Variants in KDM4B observed in about 807,000 individuals in gnomAD.
The protein encoded by KDM4B is lysine-specific demethylase 4B.
Under a neutral mutation model 125.2 loss-of-function variants are expected in KDM4B, and 32 were observed. That is an observed-to-expected ratio of 0.26 (90% CI 0.19 to 0.34). The LOEUF (loss-of-function observed/expected upper bound fraction) is 0.34. Among genes scored for constraint, KDM4B ranks in the 10% least tolerant of loss-of-function variants. The pLI is 1.00. For missense variants in KDM4B, 1,190 were observed against 1,577.7 expected, an observed-to-expected ratio of 0.75 and a Z score of 4.16; for synonymous variants, 721 against 677.9, an observed-to-expected ratio of 1.06 and a Z score of -0.99.
chr19:5,111,786 T>C (rs370749107), intron 10 of KDM4B: 50 of 765,202 alleles, frequency 6.5e-5, no homozygotes, highest in South Asian at 6.0e-4. Context: ...CCAGGCCTCC[T>C]GTGTCTCGAC....
chr19:5,119,260 C>A (rs563281464), intron 10 of KDM4B: 2 of 1,304,846 alleles, frequency 1.5e-6, no homozygotes, highest in South Asian at 1.3e-5. Flanking sequence ...TAGGCATTTT[C>A]CATGAGCTGC....
chr19:4,980,717 C>T (rs1017819770), intron 1 of KDM4B, among the ~76,000 whole-genome samples: 39 of 152,214 alleles, frequency 2.6e-4, no homozygotes, highest in Admixed American at 1.3e-3. Context: ...CGTGAGCCAC[C>T]GCGCCCGGCC....
chr19:5,144,012 T>C lies in KDM4B; in HGVS notation c.2596T>C (p.Cys866Arg). ...RKRMKKVSGA[C>R]IQCSYEHCST... ...GCGGATGAAGAAGGTGTCAGGTGCCTGTATCCAGTGCTCCTACGAGCACTG... is the reference window on the plus strand; with the variant it reads ...GCGGATGAAGAAGGTGTCAGGTGCCCGTATCCAGTGCTCCTACGAGCACTG... Residue 866 changes from cysteine (C) to arginine (R), a missense_variant, in exon 19 of 23, where the codon TGT becomes CGT. By Grantham distance (180) the Cys-to-Arg change is radical (BLOSUM62 -3). Coordinates refer to ENST00000159111, the MANE Select transcript of KDM4B (RefSeq NM_015015.3). 1 of 1,592,690 alleles carries C rather than the reference T, an allele frequency of 6.3e-7. No homozygotes were observed. Among genetic ancestry groups the C allele is most frequent in the Non-Finnish European group, 8.6e-7 (1 of 1,162,730 alleles).
At chr19:4,974,281 A>C (rs540117909) in intron 1 of KDM4B, among the ~76,000 whole-genome samples, 2 of 151,804 alleles carry the variant, frequency 1.3e-5, no homozygotes, top group Non-Finnish European at 2.9e-5. Flanking sequence ...CGGTGCCTGT[A>C]GTCCCAGCTA....
At chr19:5,068,698 G>A (rs1416667570) in intron 6 of KDM4B, among the ~76,000 whole-genome samples, 1 of 152,246 alleles carries the variant, frequency 6.6e-6, no homozygotes, top group African/African-American at 2.4e-5. Flanking sequence ...GGCGGTGGCG[G>A]AGCCCAGAAG....
chr19:5,091,287 G>A (rs2038697828), intron 9 of KDM4B, among the ~76,000 whole-genome samples: 1 of 152,232 alleles, frequency 6.6e-6, no homozygotes, highest in South Asian at 2.1e-4. Context: ...GAGCGCGAGA[G>A]ATGTGAAGCC....
At chr19:5,084,497 TTATA>T (rs1438032015) in intron 9 of KDM4B, among the ~76,000 whole-genome samples, 1 of 123,212 alleles carries the variant, frequency 8.1e-6, no homozygotes, top group Non-Finnish European at 1.6e-5. Flanking sequence ...ATGTTATAAT[TTATA>T]TATTATATAT....
chr19:5,047,595 C>A lies in KDM4B; in HGVS notation c.552C>A (p.Thr184=). 1 of 1,614,018 alleles carries A rather than the reference C, an allele frequency of 6.2e-7. No homozygotes were observed. Among genetic ancestry groups the A allele is most frequent in the South Asian group, 1.1e-5 (1 of 91,084 alleles). ...ACCTGTACTTCGGCATGTGGAAGAC[C>A]ACCTTCGCCTGGCACACCGAGGACA... ...TPYLYFGMWK[T]TFAWHTEDMD... Residue 184 remains threonine (T), a synonymous_variant, in exon 6 of 23, where the codon ACC becomes ACA. Transcript: ENST00000159111.
intron 22 of KDM4B, 142 bp from the exon 23 acceptor site, chr19:5,151,193 C>T (rs942897317): frequency 7.5e-5 from 54 of 715,760 alleles, no homozygotes; most frequent in Admixed American, 2.6e-4. Context: ...TTTACAAACA[C>T]GAAAACAGGA....
intron 9 of KDM4B, among the ~76,000 whole-genome samples, chr19:5,083,264 G>T (rs1327060493): frequency 2.6e-5 from 4 of 152,250 alleles, no homozygotes; most frequent in African/African-American, 9.6e-5. Context: ...GGAGGCTACT[G>T]GATGGATAGG....
At chr19:5,132,192 G>A (rs2039570492) in intron 13 of KDM4B, among the ~76,000 whole-genome samples, 185 bp downstream of exon 13, 1 of 152,198 alleles carries the variant, frequency 6.6e-6, no homozygotes, top group Non-Finnish European at 1.5e-5. Flanking sequence ...GTCGTGCGGG[G>A]AGGCAGCTGC....
intron 2 of KDM4B, among the ~76,000 whole-genome samples, chr19:5,028,151 AT>A (rs1269657597): frequency 6.6e-6 from 1 of 151,672 alleles, no homozygotes; most frequent in East Asian, 1.9e-4. Context: ...TTTTATTTTA[AT>A]TTTTAGTAGA....
At chr19:5,025,673 C>T (rs899450947) in intron 2 of KDM4B, among the ~76,000 whole-genome samples, 16 of 152,208 alleles carry the variant, frequency 1.1e-4, no homozygotes, top group Admixed American at 6.5e-4. Context: ...CCCTGCCATC[C>T]GGCCTCTGGG....
chr19:5,061,374 C>T lies in KDM4B; in HGVS notation c.627-9636C>T, dbSNP rs1283472774. Among the ~76,000 whole-genome samples, 4 of 152,200 alleles carry T rather than the reference C, an allele frequency of 2.6e-5. No homozygotes were observed. The East Asian group carries it at 7.7e-4, about 29-fold the overall frequency. ...GATACCAAATTCCATCATCTCTTGT[C>T]CCGTAAAACGATCCATTAAAGATAA... is the stretch of plus-strand genomic sequence containing the variant. On this transcript the variant is annotated intron_variant, in intron 6 of 22. Transcript: ENST00000159111.
chr19:5,122,266 G>A (rs1030133262), intron 11 of KDM4B, among the ~76,000 whole-genome samples: 10 of 152,120 alleles, frequency 6.6e-5, no homozygotes, highest in African/African-American at 4.8e-5. Context: ...AGCCTCTTCC[G>A]GTCTCTCTCT....
At position 5,098,849 on chromosome 19, in the gene KDM4B, C is replaced by A. The variant is rs188359464; in HGVS notation, c.919-11773C>A. Among the ~76,000 whole-genome samples, 63 of 152,324 alleles carry A rather than the reference C, an allele frequency of 4.1e-4. No individual in the cohort carries two copies. The South Asian group carries it at 4.8e-3, about 12-fold the overall frequency. On this transcript the variant is annotated intron_variant, in intron 9 of 22. Coordinates refer to ENST00000159111, the MANE Select transcript of KDM4B (RefSeq NM_015015.3). The stretch of plus-strand genomic sequence containing the variant: ...GACCTGCCAGTGCCCTGATCTTGGA[C>A]TTCCCAGCCTCCAGAACCATAAGAA...
intron 6 of KDM4B, among the ~76,000 whole-genome samples, chr19:5,062,193 G>C (rs1056199220): frequency 2.6e-5 from 4 of 152,214 alleles, no homozygotes; most frequent in African/African-American, 7.2e-5. Flanking sequence ...TCTCAGCCAG[G>C]ATATGGGACC....
chr19:5,018,479 G>C (rs2035961545), intron 2 of KDM4B, among the ~76,000 whole-genome samples: 1 of 152,264 alleles, frequency 6.6e-6, no homozygotes, highest in Non-Finnish European at 1.5e-5. Context: ...AGCTGAAGGA[G>C]AGGAGGAGCT....
intron 9 of KDM4B, among the ~76,000 whole-genome samples, chr19:5,084,783 G>A (rs2038434947): frequency 6.6e-6 from 1 of 151,158 alleles, no homozygotes; most frequent in Non-Finnish European, 1.5e-5. Flanking sequence ...CACTGCACTC[G>A]AGCCTGGGCA....
Sources: gnomAD v4.1 joint callset for allele counts (sites outside exome capture counted in the v4.1 genomes callset) on GRCh38, gnomAD v4.1.1 for gene constraint, MANE v1.5 for transcripts, NCBI Gene and HGNC (gene_info 2026-07-23, HGNC 2026-07-21) for gene names.